The following PPP1CC variants were observed in gnomAD, a reference collection of about 807,000 sequenced individuals.
PPP1CC encodes serine/threonine-protein phosphatase PP1-gamma catalytic subunit.
A neutral mutation model predicts 38.4 loss-of-function variants in PPP1CC; 16 were observed. That is an observed-to-expected ratio of 0.42 (90% confidence interval 0.28 to 0.63). The LOEUF is 0.63. PPP1CC is among the 30% of genes least tolerant of loss of function. PPP1CC has a pLI of 0.25. For synonymous variants in PPP1CC, 158 were observed against 136.0 expected (o/e 1.16, Z -1.13); for missense variants, 170 against 391.3 (o/e 0.43, Z 4.77).
rs759040354 is a variant in PPP1CC at position 110,720,239 on chromosome 12, G to T, written c.*837C>A. The T allele has an allele frequency of 6.7e-7, 1 of 1,485,154 alleles. No individual in the cohort carries two copies. Among genetic ancestry groups the T allele is most frequent in the Non-Finnish European group, 9.1e-7 (1 of 1,101,160 alleles). 92.0% of individuals were successfully genotyped at this position (1,485,154 alleles called of 1,614,324 possible). A position where few individuals can be genotyped will look rare whatever the true frequency, so the allele number is the denominator to read the frequency against. On this transcript the variant is annotated 3_prime_UTR_variant, in exon 7 of 7. Transcript: ENST00000335007. The stretch of plus-strand genomic sequence containing the variant: ...GATTACTTAATGAATAGACTATATG[G>T]AAATTGTATAAAATGTTATTACCTT...
chr12:110,723,040 G>A (rs575468222), intron 4 of PPP1CC, among the ~76,000 whole-genome samples: 101 of 152,346 alleles, frequency 6.6e-4, no homozygotes, highest in African/African-American at 2.2e-3. Context: ...TGTTATGATT[G>A]ATGGCTTATA....
downstream of PPP1CC, among the ~76,000 whole-genome samples, chr12:110,718,820 G>C (rs2069708025): frequency 6.6e-6 from 1 of 152,132 alleles, no homozygotes; most frequent in African/African-American, 2.4e-5. Context: ...CTCAAGTTCT[G>C]CTGTCAAACA....
chr12:110,713,152 A>G, the PPP1CC span, among the ~76,000 whole-genome samples: 27 of 150,406 alleles, frequency 1.8e-4, 1 homozygote, highest in East Asian at 1.2e-3. Flanking sequence ...TTTTTTTTGG[A>G]GATGTAGTGT....
chr12:110,717,300 C>G (rs2069694848), downstream of PPP1CC, among the ~76,000 whole-genome samples: 1 of 152,180 alleles, frequency 6.6e-6, no homozygotes, highest in Non-Finnish European at 1.5e-5. Flanking sequence ...AAAGTTCTTA[C>G]TCATCAAAAC....
Position 110,720,219 on chromosome 12 carries a change from C to G in PPP1CC, c.*857G>C. 1 of 1,535,526 alleles carries G rather than the reference C, an allele frequency of 6.5e-7. No homozygotes were observed. Among genetic ancestry groups the G allele is most frequent in the Admixed American group, 1.9e-5 (1 of 51,846 alleles). ...GCCTGATGCAACTGTAAAAAGATTACTTAATGAATAGACTATATGGAAATT... is the reference window on the plus strand; with the variant it reads ...GCCTGATGCAACTGTAAAAAGATTAGTTAATGAATAGACTATATGGAAATT... On this transcript the variant is annotated 3_prime_UTR_variant, in exon 7 of 7. Coordinates refer to ENST00000335007, the MANE Select transcript of PPP1CC (RefSeq NM_002710.4).
At chr12:110,728,407 A>AC (rs1022012216) in intron 3 of PPP1CC, among the ~76,000 whole-genome samples, 125 of 151,320 alleles carry the variant, frequency 8.3e-4, no homozygotes, top group African/African-American at 2.9e-3. Context: ...CAAAAAAAAA[A>AC]AAAAAAACAA....
At chr12:110,727,070 C>T (rs55845219) in intron 3 of PPP1CC, among the ~76,000 whole-genome samples, 13,987 of 152,068 alleles carry the variant, frequency 0.092, 721 homozygotes, top group African/African-American at 0.12. Flanking sequence ...CCTGAGTGTC[C>T]GCGACTACAG....
intron 1 of PPP1CC, among the ~76,000 whole-genome samples, chr12:110,736,097 A>AAAAC (rs140070828): frequency 6.0e-5 from 9 of 150,426 alleles, no homozygotes; most frequent in South Asian, 4.2e-4. Context: ...ACTCCGTCTC[A>AAAAC]AAACAAACAA....
At chr12:110,734,811 T>A (rs185203606) in intron 1 of PPP1CC, 1 of 153,260 alleles carries the variant, frequency 6.5e-6, no homozygotes, top group Admixed American at 6.6e-5. Flanking sequence ...AAATGGGGCT[T>A]GGCAGTCCAA....
chr12:110,715,780 C>A (rs370902194), downstream of PPP1CC, among the ~76,000 whole-genome samples: 1 of 151,912 alleles, frequency 6.6e-6, no homozygotes, highest in East Asian at 1.9e-4. Context: ...CACCACCATG[C>A]CAGGCTAATT....
chr12:110,736,000 T>C (rs1332250089), intron 1 of PPP1CC, among the ~76,000 whole-genome samples: 1 of 151,922 alleles, frequency 6.6e-6, no homozygotes, highest in Non-Finnish European at 1.5e-5. Context: ...ACGGGGCAGG[T>C]TGCAGTGAGC....
downstream of PPP1CC, among the ~76,000 whole-genome samples, chr12:110,716,695 C>T (rs1379800896): frequency 1.3e-5 from 2 of 152,204 alleles, no homozygotes; most frequent in Admixed American, 6.6e-5. Context: ...ACATGATTAA[C>T]TGAAGTGCTT....
chr12:110,722,415 A>G lies in PPP1CC; in HGVS notation c.747+57T>C, dbSNP rs1410151192. ...TACCTACCCACCAAAATCAACAAGG[A>G]GAATCTGTGCTCACACACATGCTCT... On this transcript the variant is annotated intron_variant, in intron 5 of 6. Transcript: ENST00000335007. This position sits in a 1 kb window ranked among gnomAD's most constrained non-coding sequence, Gnocchi z 5.4. The G allele has an allele frequency of 6.9e-6, 11 of 1,587,840 alleles. No individual in the cohort carries two copies. Among genetic ancestry groups the G allele is most frequent in the Non-Finnish European group, 9.5e-6 (11 of 1,156,940 alleles).
downstream of PPP1CC, among the ~76,000 whole-genome samples, chr12:110,714,890 T>C (rs2069676816): frequency 6.6e-6 from 1 of 151,214 alleles, no homozygotes. Flanking sequence ...CAGGACTCCT[T>C]GAGGGGCTTG....
the PPP1CC span, among the ~76,000 whole-genome samples, chr12:110,713,944 C>T: frequency 6.6e-6 from 1 of 151,992 alleles, no homozygotes; most frequent in African/African-American, 2.4e-5. Context: ...ACTAAAAGTA[C>T]AAAAATTAGC....
At chr12:110,714,968 C>T (rs892388370), downstream of PPP1CC, among the ~76,000 whole-genome samples, 4 of 151,690 alleles carry the variant, frequency 2.6e-5, no homozygotes, top group African/African-American at 9.7e-5. Flanking sequence ...GCAAAAACAC[C>T]CTTTATCCCA....
chr12:110,715,798 T>A (rs946574582), downstream of PPP1CC, among the ~76,000 whole-genome samples: 2 of 152,168 alleles, frequency 1.3e-5, no homozygotes, highest in East Asian at 3.9e-4. Context: ...ATTTTGTATT[T>A]TTATTAGAGA....
At chr12:110,738,187 A>G (rs537842892) in intron 1 of PPP1CC, among the ~76,000 whole-genome samples, 2 of 152,344 alleles carry the variant, frequency 1.3e-5, no homozygotes, top group East Asian at 3.9e-4. Context: ...ACCCCAGTGA[A>G]GTGGGGAAGC....
intron 2 of PPP1CC, 46 bp from the exon 3 acceptor site, chr12:110,730,805 C>A: frequency 1.6e-6 from 2 of 1,265,312 alleles, no homozygotes; most frequent in South Asian, 2.7e-5. Flanking sequence ...ACTTAAAGCT[C>A]AATCCACTAA....
Sources: gnomAD v4.1 joint callset for allele counts (sites outside exome capture counted in the v4.1 genomes callset) on GRCh38, gnomAD v4.1.1 for gene constraint, Gnocchi (gnomAD v3.1) non-coding constraint, MANE v1.5 for transcripts, NCBI Gene and HGNC (gene_info 2026-07-23, HGNC 2026-07-21) for gene names.